Variants in NRXN3 observed in about 807,000 individuals in gnomAD.
NRXN3 encodes neurexin 3, also known as neurexin III.
NRXN3 carries 32 observed loss-of-function variants against 137.6 expected under a neutral mutation model. The ratio of observed to expected loss-of-function variants is 0.23; its 90% CI spans 0.18 to 0.31. NRXN3 has a LOEUF of 0.31. Ranked by LOEUF, NRXN3 falls within the 10% of genes least tolerant of loss-of-function variation. NRXN3 has a pLI of 1.00. For missense variants in NRXN3, 1,574 were observed against 2,062.5 expected, an observed-to-expected ratio of 0.76 and a Z score of 4.59; for synonymous variants, 798 against 784.5, an observed-to-expected ratio of 1.02 and a Z score of -0.29.
intron 6 of NRXN3, among the ~76,000 whole-genome samples, chr14:78,693,852 T>G (rs764571912): frequency 1.3e-4 from 20 of 151,872 alleles, no homozygotes; most frequent in Non-Finnish European, 2.4e-4. Context: ...CTACATCAGC[T>G]GGATGCAGGA....
At chr14:79,841,733 C>T (rs1397361620) in intron 20 of NRXN3, among the ~76,000 whole-genome samples, 1 of 152,198 alleles carries the variant, frequency 6.6e-6, no homozygotes, top group East Asian at 1.9e-4. Context: ...TTAGCCTACA[C>T]AACTGCAAAA....
intron 8 of NRXN3, among the ~76,000 whole-genome samples, chr14:78,727,695 A>G (rs189086867): frequency 6.6e-6 from 1 of 152,274 alleles, no homozygotes; most frequent in African/African-American, 2.4e-5. Flanking sequence ...AGATCGCGCC[A>G]TTGTACTGCA....
Position 78,737,311 on chromosome 14 carries a change from G to T in NRXN3, c.2044+22172G>T, listed in dbSNP as rs117371624. Among the ~76,000 whole-genome samples, 217 of 152,240 alleles carry T rather than the reference G, an allele frequency of 1.4e-3. 3 individuals are homozygous for T. The East Asian group carries it at 0.037, about 26-fold the overall frequency. On this transcript the variant is annotated intron_variant, in intron 8 of 20. Transcript: ENST00000335750. ...CTGAACTGTCCTATTGGTACCCAAA[G>T]GTACCAGTAGGGGTCCAAACACAGT...
chr14:79,064,516 T>C lies in NRXN3; in HGVS notation c.3262+76375T>C, dbSNP rs75613206. On this transcript the variant is annotated intron_variant, in intron 15 of 20. Transcript: ENST00000335750. ...TTTGGTCTATAGTTGGTTCCCTAAATCTCACTTCTTCTCTTCCTCTAGCTT... is the reference window on the plus strand; with the variant it reads ...TTTGGTCTATAGTTGGTTCCCTAAACCTCACTTCTTCTCTTCCTCTAGCTT... Among the ~76,000 whole-genome samples, 909 of 152,100 alleles carry C rather than the reference T, an allele frequency of 6.0e-3. 14 individuals are homozygous for C. Among genetic ancestry groups the C allele is most frequent in the South Asian group, 0.057 (273 of 4,810 alleles).
chr14:78,711,259 AT>A (rs2098404670), intron 7 of NRXN3, among the ~76,000 whole-genome samples: 1 of 151,960 alleles, frequency 6.6e-6, no homozygotes. Context: ...CAAAATTGCC[AT>A]TTGTTCATTT....
rs190179392 is a variant in NRXN3 at position 78,482,977 on chromosome 14, C to T, written c.758-162143C>T. 9.9e-4 allele frequency among the ~76,000 whole-genome samples: 150 copies of T among 152,264 alleles called. 1 individual carries two copies. In the East Asian group the frequency reaches 0.022, roughly 23 times the overall value. ...GTCTTTGATGTGTTCTAGTACCCAT[C>T]TTCCTGTCTCCATCCCCAGCATCTG... On this transcript the variant is annotated intron_variant, in intron 4 of 20. Transcript: ENST00000335750.
chr14:79,604,166 CAAGTGTGAG>C (rs1437829781), intron 16 of NRXN3, among the ~76,000 whole-genome samples: 2 of 151,762 alleles, frequency 1.3e-5, no homozygotes, highest in African/African-American at 4.8e-5. Context: ...GCTGGGATTA[CAAGTGTGAG>C]CCACCGCGCC....
intron 4 of NRXN3, among the ~76,000 whole-genome samples, chr14:78,550,301 A>G (rs2096674768): frequency 6.6e-6 from 1 of 152,068 alleles, no homozygotes; most frequent in Non-Finnish European, 1.5e-5. Context: ...CAGTGCTGGG[A>G]TGATATGCTG....
intron 16 of NRXN3, among the ~76,000 whole-genome samples, chr14:79,519,768 CTTTTTTT>C (rs200757761): frequency 2.5e-4 from 30 of 119,366 alleles, no homozygotes; most frequent in South Asian, 1.1e-3. Flanking sequence ...AATAGTATTT[CTTTTTTT>C]TTTTTTTTTT....
At chr14:78,834,077 G>T (rs541483406) in intron 10 of NRXN3, among the ~76,000 whole-genome samples, 17 of 152,296 alleles carry the variant, frequency 1.1e-4, no homozygotes, top group Middle Eastern at 3.4e-3. Flanking sequence ...AGGACAGAAA[G>T]AATGTATGTA....
intron 16 of NRXN3, among the ~76,000 whole-genome samples, chr14:79,483,047 A>G (rs909484527): frequency 6.6e-6 from 1 of 152,208 alleles, no homozygotes; most frequent in African/African-American, 2.4e-5. Context: ...CAAACATTGG[A>G]CTGAAACAGA....
chr14:79,651,075 A>G (rs2098473570), intron 16 of NRXN3, among the ~76,000 whole-genome samples: 1 of 152,238 alleles, frequency 6.6e-6, no homozygotes, highest in African/African-American at 2.4e-5. Flanking sequence ...TTAACTGGTA[A>G]TAGGATGGAT....
intron 8 of NRXN3, among the ~76,000 whole-genome samples, chr14:78,724,240 C>G (rs1245518415): frequency 6.6e-6 from 1 of 152,148 alleles, no homozygotes; most frequent in Non-Finnish European, 1.5e-5. Flanking sequence ...GTGCCTAGAG[C>G]ACATGTGTAT....
At chr14:79,443,173 G>A (rs1216173187) in intron 15 of NRXN3, among the ~76,000 whole-genome samples, 1 of 152,208 alleles carries the variant, frequency 6.6e-6, no homozygotes, top group Non-Finnish European at 1.5e-5. Context: ...GAGACCCTTA[G>A]AGTTCATGTA....
At chr14:78,310,165 T>C (rs559615891) in intron 4 of NRXN3, among the ~76,000 whole-genome samples, 2 of 152,186 alleles carry the variant, frequency 1.3e-5, no homozygotes, top group South Asian at 4.2e-4. Context: ...TTTAGTCTTA[T>C]TTGCTTTCAA....
rs139738262 is a variant in NRXN3 at position 79,506,755 on chromosome 14, G to A, written c.3444+39353G>A. On this transcript the variant is annotated intron_variant, in intron 16 of 20. Transcript: ENST00000335750. ...ACAACCCCATAACCTTTCATCTAGGGGAAAGAAATCTAAAAGAAAGCTCTA... is the reference window on the plus strand; with the variant it reads ...ACAACCCCATAACCTTTCATCTAGGAGAAAGAAATCTAAAAGAAAGCTCTA... Among the ~76,000 whole-genome samples the A allele has an allele frequency of 3.3e-3, 506 of 151,982 alleles. 5 individuals carry two copies. The highest frequency in any genetic ancestry group is 0.012 in the African/African-American group (484 of 41,432).
intron 10 of NRXN3, among the ~76,000 whole-genome samples, chr14:78,943,647 T>TCTCAA (rs2099359310): frequency 1.8e-5 from 1 of 56,510 alleles, no homozygotes; most frequent in Non-Finnish European, 3.0e-5. Context: ...TATATATATA[T>TCTCAA]ATATATATAT....
At chr14:78,947,545 C>T (rs1042698639) in intron 10 of NRXN3, among the ~76,000 whole-genome samples, 9 of 152,190 alleles carry the variant, frequency 5.9e-5, no homozygotes, top group South Asian at 4.1e-4. Flanking sequence ...AATAGACTTA[C>T]GCTATTTAAG....
intron 17 of NRXN3, among the ~76,000 whole-genome samples, chr14:79,690,802 A>G (rs902606776): frequency 1.3e-5 from 2 of 152,102 alleles, no homozygotes; most frequent in Non-Finnish European, 2.9e-5. Flanking sequence ...TGACTCCTAT[A>G]TGGAGATGGC....
Sources: gnomAD v4.1 joint callset for allele counts (sites outside exome capture counted in the v4.1 genomes callset) on GRCh38, gnomAD v4.1.1 for gene constraint, MANE v1.5 for transcripts, NCBI Gene and HGNC (gene_info 2026-07-23, HGNC 2026-07-21) for gene names.